EVL: variants seen among roughly 807,000 people sequenced by gnomAD.
The protein encoded by EVL is ena/VASP-like protein.
EVL carries 21 observed loss-of-function variants against 59.6 expected under a neutral mutation model. That is an observed-to-expected ratio of 0.35 (90% CI 0.25 to 0.51). EVL has a LOEUF of 0.51. Ranked by LOEUF, EVL falls within the 20% of genes least tolerant of loss-of-function variation. The probability of loss-of-function intolerance (pLI) is 0.97; values close to 1 mark genes in which losing one functional copy is unlikely to be tolerated. For synonymous variants in EVL, 198 were observed against 203.5 expected, an observed-to-expected ratio of 0.97 and a Z score of 0.23; for missense variants, 462 against 546.6, an observed-to-expected ratio of 0.85 and a Z score of 1.54.
In EVL at chr14:100,129,557, C is replaced by G; in HGVS notation, c.718-6C>G. 6.2e-7 allele frequency: 1 copy of G among 1,613,384 alleles called. No homozygotes were observed. On this transcript the variant is annotated splice_region_variant and splice_polypyrimidine_tract_variant and intron_variant, in intron 6 of 13. Transcript: ENST00000392920. The stretch of plus-strand genomic sequence containing the variant: ...GAATCTAAAACGCGGCCTCCTTTTT[C>G]CTCAGCCAGAAGACGCATCTGGAGG...
At chr14:100,119,445 C>T (rs1309769144) in intron 3 of EVL, among the ~76,000 whole-genome samples, 2 of 152,186 alleles carry the variant, frequency 1.3e-5, no homozygotes, top group Non-Finnish European at 2.9e-5. Context: ...CCCCTGAGAA[C>T]CACCACCACT....
chr14:100,025,352 C>T (rs888363365), intron 1 of EVL, among the ~76,000 whole-genome samples: 1 of 152,100 alleles, frequency 6.6e-6, no homozygotes, highest in Non-Finnish European at 1.5e-5. Context: ...CAGGCTGCCT[C>T]CTCCTTGAGG....
chr14:100,005,396 C>A (rs980181288), intron 1 of EVL, among the ~76,000 whole-genome samples: 1 of 152,086 alleles, frequency 6.6e-6, no homozygotes, highest in East Asian at 1.9e-4. Flanking sequence ...AAAGATCATT[C>A]TGTTTTAAGC....
At chr14:100,036,783 C>A (rs372467481) in intron 1 of EVL, among the ~76,000 whole-genome samples, 5 of 152,154 alleles carry the variant, frequency 3.3e-5, no homozygotes, top group Admixed American at 6.5e-5. Context: ...CCGTGGCACT[C>A]TAGGGCACTG....
intron 1 of EVL, among the ~76,000 whole-genome samples, chr14:100,048,099 A>G (rs1332552193): frequency 1.3e-5 from 2 of 152,234 alleles, no homozygotes; most frequent in East Asian, 3.8e-4. Context: ...AGCACCATCC[A>G]TAAAAGAAAA....
chr14:100,051,630 A>G (rs76547656), intron 1 of EVL, among the ~76,000 whole-genome samples: 20,572 of 152,084 alleles, frequency 0.14, 2,096 homozygotes, highest in African/African-American at 0.28. Flanking sequence ...TTTTTATTCA[A>G]TCTAACAATT....
chr14:100,002,381 T>C (rs1405950101), intron 1 of EVL, among the ~76,000 whole-genome samples: 3 of 152,154 alleles, frequency 2.0e-5, no homozygotes. Context: ...GCAGCCATAT[T>C]CAGAGACACA....
At chr14:100,024,442 T>C (rs2061177621) in intron 1 of EVL, among the ~76,000 whole-genome samples, 1 of 152,126 alleles carries the variant, frequency 6.6e-6, no homozygotes, top group Non-Finnish European at 1.5e-5. Context: ...AGGAAATAAG[T>C]CTCAGATGAA....
chr14:100,129,148 C>T (rs750877313), intron 6 of EVL, among the ~76,000 whole-genome samples: 46 of 152,208 alleles, frequency 3.0e-4, no homozygotes, highest in Non-Finnish European at 5.6e-4. Flanking sequence ...TAGGTCCACC[C>T]GGCTGTTTCT....
chr14:99,987,662 CAAAT>C (rs762341421), intron 1 of EVL, among the ~76,000 whole-genome samples: 22 of 152,118 alleles, frequency 1.4e-4, no homozygotes, highest in East Asian at 7.8e-4. Context: ...AACAAACAAA[CAAAT>C]AAATAAAAGG....
intron 1 of EVL, among the ~76,000 whole-genome samples, chr14:100,021,157 C>T (rs2061117163): frequency 6.6e-6 from 1 of 152,204 alleles, no homozygotes; most frequent in African/African-American, 2.4e-5. Flanking sequence ...AGATGAAGTA[C>T]CCCTGTCTAC....
intron 1 of EVL, among the ~76,000 whole-genome samples, chr14:99,982,016 G>A (rs902697120): frequency 2.6e-5 from 4 of 152,168 alleles, no homozygotes; most frequent in Non-Finnish European, 4.4e-5. Context: ...GCTGATGTCG[G>A]GGTGAGGGTG....
chr14:100,126,834 T>C lies in EVL; in HGVS notation c.487+63T>C, dbSNP rs376191873. The C allele has an allele frequency of 2.1e-4, 317 of 1,537,236 alleles. 5 individuals are homozygous for C. In the African/African-American group the frequency reaches 4.0e-3, roughly 20 times the overall value. On this transcript the variant is annotated intron_variant, in intron 5 of 13. Transcript: ENST00000392920. ...GCTGCCAGGTGGCAGCCCCTCCACGTAGATGAGGCCCAGGGACACACGGGG... is the reference window on the plus strand; with the variant it reads ...GCTGCCAGGTGGCAGCCCCTCCACGCAGATGAGGCCCAGGGACACACGGGG...
chr14:100,026,531 G>A (rs1295185858), intron 1 of EVL, among the ~76,000 whole-genome samples: 2 of 152,080 alleles, frequency 1.3e-5, no homozygotes, highest in African/African-American at 4.8e-5. Flanking sequence ...TGCCTGGCAC[G>A]TGCTCCACAG....
chr14:100,062,565 A>G (rs2061856556), upstream of EVL, among the ~76,000 whole-genome samples: 1 of 152,228 alleles, frequency 6.6e-6, no homozygotes, highest in South Asian at 2.1e-4. Flanking sequence ...CAGAAAACAA[A>G]TAGCAAAGTA....
At chr14:100,008,553 C>G (rs961388254) in intron 1 of EVL, among the ~76,000 whole-genome samples, 3 of 152,156 alleles carry the variant, frequency 2.0e-5, no homozygotes, top group African/African-American at 7.2e-5. Context: ...GGCAACTACT[C>G]CTTTACCCTT....
At chr14:100,008,483 T>C (rs1341799937) in intron 1 of EVL, among the ~76,000 whole-genome samples, 1 of 152,200 alleles carries the variant, frequency 6.6e-6, no homozygotes, top group African/African-American at 2.4e-5. Context: ...CTCATGTTCT[T>C]GCGTGTAACA....
chr14:100,133,806 G>A (rs924617668), intron 8 of EVL, among the ~76,000 whole-genome samples: 5 of 151,390 alleles, frequency 3.3e-5, no homozygotes, highest in African/African-American at 9.6e-5. Context: ...GCATGGTGGC[G>A]CATGCCTGTA....
intron 1 of EVL, among the ~76,000 whole-genome samples, chr14:100,068,891 T>C (rs543104272): frequency 4.7e-4 from 72 of 152,194 alleles, no homozygotes; most frequent in Middle Eastern, 3.4e-3. Context: ...AAACGTGATA[T>C]GGATGTGTGA....
Sources: gnomAD v4.1 joint callset for allele counts (sites outside exome capture counted in the v4.1 genomes callset) on GRCh38, gnomAD v4.1.1 for gene constraint, MANE v1.5 for transcripts, NCBI Gene and HGNC (gene_info 2026-07-23, HGNC 2026-07-21) for gene names.